Variants in ACLY observed in about 807,000 individuals in gnomAD.
ACLY encodes the protein ATP citrate lyase, also known as ATP-citrate synthase.
In ACLY, 41 loss-of-function variants were observed where a neutral mutation model predicts 133.0. The observed-to-expected ratio is 0.31, with a 90% CI of 0.24 to 0.40. The LOEUF (loss-of-function observed/expected upper bound fraction) is 0.40, where lower values mean the gene tolerates loss of function less well. Among genes scored for constraint, ACLY ranks in the 10% least tolerant of loss-of-function variants. The pLI is 1.00. For missense variants in ACLY, 1,046 were observed against 1,453.8 expected (o/e 0.72, Z 4.56); for synonymous variants, 495 against 549.3 (o/e 0.90, Z 1.38).
At chr17:41,896,136 T>A (rs576082417) in intron 14 of ACLY, among the ~76,000 whole-genome samples, 69 of 152,116 alleles carry the variant, frequency 4.5e-4, no homozygotes, top group Non-Finnish European at 9.3e-4. Flanking sequence ...AAGCTGGCAG[T>A]GGTGAAGCCG....
At chr17:41,922,770 G>C (rs777091210), upstream of ACLY, among the ~76,000 whole-genome samples, 1 of 152,162 alleles carries the variant, frequency 6.6e-6, no homozygotes, top group Non-Finnish European at 1.5e-5. Flanking sequence ...GGTGTTGCTA[G>C]GCCTAAGTTT....
At position 41,873,877 on chromosome 17, in the gene ACLY, A is replaced by G; in HGVS notation, c.2576T>C (p.Ile859Thr). ...GQELIYAGMP[I>T]TEVFKEEMGI... ...CATCTCTTCCTTGAAGACCTCAGTG[A>G]TGGGCATGCCCGCGTAGATGAGCTC... Residue 859 changes from isoleucine (I) to threonine (T), a missense_variant, in exon 23 of 29, where the codon ATC (isoleucine) becomes ACC (threonine). Physicochemically the swap from Ile to Thr is moderately conservative, Grantham distance 89. Transcript: ENST00000352035. 6.2e-7 allele frequency: 1 copy of G among 1,609,152 alleles called. No homozygotes were observed. Among genetic ancestry groups the G allele is most frequent in the Non-Finnish European group, 8.5e-7 (1 of 1,176,696 alleles).
intron 22 of ACLY, 111 bp from the exon 23 acceptor site, chr17:41,874,076 A>T: frequency 1.7e-6 from 2 of 1,143,892 alleles, no homozygotes; most frequent in Non-Finnish European, 2.3e-6. Context: ...GGAATGTCGT[A>T]AACTCTGGCA....
rs377477312 is a variant in ACLY, at chr17:41,907,357, A to G, written c.747+85T>C. ...TTCCCTGCCAAATAAACAGCTCATG[A>G]AGGGGGGCCAAATGCACATCAAAGA... On this transcript the variant is annotated intron_variant, in intron 7 of 28. Coordinates refer to ENST00000352035, the MANE Select transcript of ACLY (RefSeq NM_001096.3). The G allele has an allele frequency of 1.5e-3, 1,961 of 1,351,344 alleles. 46 individuals carry two copies. The South Asian group carries it at 0.024, about 17-fold the overall frequency. The allele number at this position is 1,351,344 out of a possible 1,614,324, so 83.7% of individuals were successfully genotyped here.
chr17:41,904,498 A>G lies in ACLY; in HGVS notation c.1065+231T>C, dbSNP rs1049273311. 57 of 539,676 alleles carry G rather than the reference A, an allele frequency of 1.1e-4. No individual in the cohort carries two copies. The Middle Eastern group carries it at 2.0e-3, about 19-fold the overall frequency. 33.4% of individuals were successfully genotyped at this position (539,676 alleles called of 1,614,324 possible). On this transcript the variant is annotated intron_variant, in intron 10 of 28. Coordinates refer to ENST00000352035, the MANE Select transcript of ACLY (RefSeq NM_001096.3). The stretch of plus-strand genomic sequence containing the variant: ...ATTCGCCTCCCATGCTTCAGGTGGG[A>G]GAGTTATAGTTCAGCGTAGCAGCTG...
At position 41,897,756 on chromosome 17, in the gene ACLY, C is replaced by T. The variant is rs199832126; in HGVS notation, c.1422G>A (p.Met474Ile). The T allele has an allele frequency of 1.2e-6, 2 of 1,612,682 alleles. No homozygotes were observed. The highest frequency in any genetic ancestry group is 1.7e-5 in the Admixed American group (1 of 59,816). ...VAPAKKAKPA[M>I]PQDSVPSPRS... ...GAAGCCTCAGGGAGTTACCTTGTGG[C>T]ATGGCAGGCTTGGCCTTCTTTGCAG... Residue 474 changes from methionine (M) to isoleucine (I), a missense_variant, in exon 13 of 29, where the codon ATG (methionine) becomes ATA (isoleucine). By Grantham distance (10) the Met-to-Ile change is conservative. Coordinates refer to ENST00000352035, the MANE Select transcript of ACLY (RefSeq NM_001096.3).
intron 20 of ACLY, among the ~76,000 whole-genome samples, chr17:41,882,460 C>T (rs896233090): frequency 3.3e-5 from 5 of 150,476 alleles, no homozygotes; most frequent in South Asian, 2.1e-4. Context: ...ACCAGGTACC[C>T]GGCTTTTCCT....
intron 28 of ACLY, 95 bp downstream of exon 28, chr17:41,868,614 A>AG (rs2048523543): frequency 3.8e-6 from 2 of 527,430 alleles, no homozygotes. Context: ...AAAAAAAAAA[A>AG]AGAAAGAAAA....
chr17:41,884,935 T>C (rs1244021816), intron 18 of ACLY, among the ~76,000 whole-genome samples: 2 of 152,210 alleles, frequency 1.3e-5, no homozygotes, highest in Admixed American at 6.5e-5. Context: ...AGTGGTGCGA[T>C]GTTGGTGCAC....
intron 1 of ACLY, among the ~76,000 whole-genome samples, chr17:41,914,843 C>G (rs2050009726): frequency 6.6e-6 from 1 of 152,110 alleles, no homozygotes; most frequent in Non-Finnish European, 1.5e-5. Flanking sequence ...TGCACCGCTG[C>G]ACTGTAGCCT....
intron 22 of ACLY, among the ~76,000 whole-genome samples, chr17:41,875,266 C>T (rs1281619444): frequency 1.3e-5 from 2 of 149,152 alleles, no homozygotes; most frequent in Admixed American, 1.4e-4. Context: ...AGGAGAATCG[C>T]TTGAATCTGG....
chr17:41,886,357 A>AAAGGTGACTT, intron 17 of ACLY, 49 bp from the exon 18 acceptor site: 1 of 1,533,482 alleles, frequency 6.5e-7, no homozygotes, highest in Admixed American at 2.0e-5. Flanking sequence ...TTCCAGATTC[A>AAAGGTGACTT]CCACAAAGAA....
intron 1 of ACLY, among the ~76,000 whole-genome samples, chr17:41,927,318 G>T (rs1440217857): frequency 6.6e-6 from 1 of 151,788 alleles, no homozygotes; most frequent in Admixed American, 6.6e-5. Context: ...CAGTTAGTCT[G>T]CATTTTCTAG....
intron 10 of ACLY, among the ~76,000 whole-genome samples, chr17:41,902,381 T>C (rs576258557): frequency 7.7e-4 from 117 of 152,328 alleles, no homozygotes; most frequent in African/African-American, 2.7e-3. Flanking sequence ...ACCTGGCTAA[T>C]TTTTTTATTT....
intron 25 of ACLY, 29 bp downstream of exon 25, chr17:41,871,660 C>T (rs72837406): frequency 1.5e-3 from 2,499 of 1,613,452 alleles, no homozygotes; most frequent in Non-Finnish European, 1.9e-3. Flanking sequence ...TGGCCTCCAT[C>T]CCACTTTTTT....
chr17:41,909,536 C>T lies in ACLY; in HGVS notation c.510G>A (p.Leu170=), dbSNP rs1555633276. The part of the protein sequence containing the change: ...LNPEDIKKHL[L]VHAPEDKKEI... ...CTTTCTTGTCTTCAGGGGCGTGGAC[C>T]AACAGGTGTTTTTTGATGTCCTCAG... Residue 170 remains leucine (L), a synonymous_variant, in exon 5 of 29, where the codon TTG becomes TTA. Transcript: ENST00000352035. 5 of 1,614,022 alleles carry T rather than the reference C, an allele frequency of 3.1e-6. No homozygotes were observed. The highest frequency in any genetic ancestry group is 4.2e-6 in the Non-Finnish European group (5 of 1,180,022).
chr17:41,878,475 T>G (rs971272874), intron 21 of ACLY, among the ~76,000 whole-genome samples: 14 of 151,882 alleles, frequency 9.2e-5, no homozygotes, highest in Non-Finnish European at 4.4e-5. Flanking sequence ...TCACAGGATA[T>G]CTAATAACTC....
chr17:41,924,787 T>G (rs1180883739), intron 1 of ACLY, among the ~76,000 whole-genome samples: 1 of 152,132 alleles, frequency 6.6e-6, no homozygotes, highest in Non-Finnish European at 1.5e-5. Context: ...ATGCAGCATC[T>G]GTGCTCAGGG....
At chr17:41,894,232 A>G (rs1302553133) in intron 14 of ACLY, among the ~76,000 whole-genome samples, 1 of 151,036 alleles carries the variant, frequency 6.6e-6, no homozygotes, top group Non-Finnish European at 1.5e-5. Context: ...AAAAAAAAAA[A>G]AAATTAGCGT....
Sources: allele counts gnomAD v4.1 joint callset (sites outside exome capture counted in the v4.1 genomes callset), GRCh38; gene constraint gnomAD v4.1.1; transcripts MANE v1.5; gene names NCBI Gene and HGNC (gene_info 2026-07-23, HGNC 2026-07-21).